Variants in SMPD2 observed in about 807,000 individuals in gnomAD.
The protein encoded by SMPD2 is sphingomyelin phosphodiesterase 2.
Under a neutral mutation model 41.7 loss-of-function variants are expected in SMPD2, and 35 were observed. That is an observed-to-expected ratio of 0.84 (90% confidence interval 0.64 to 1.11). The LOEUF (loss-of-function observed/expected upper bound fraction) is 1.11, where lower values mean the gene tolerates loss of function less well. Ranked by LOEUF, SMPD2 falls within the 50% of genes most tolerant of loss-of-function variation. The probability of loss-of-function intolerance (pLI) is 0.00; values close to 1 mark genes in which losing one functional copy is unlikely to be tolerated. For synonymous variants in SMPD2, 201 were observed against 208.2 expected (o/e 0.97, Z 0.30); for missense variants, 520 against 524.8 (o/e 0.99, Z 0.09).
rs1775034719 is a variant in SMPD2 at position 109,443,315 on chromosome 6, G to T, written c.778G>T (p.Gly260Cys). The T allele has an allele frequency of 1.2e-6, 2 of 1,614,132 alleles. No homozygotes were observed. The highest frequency in any genetic ancestry group is 4.5e-5 in the East Asian group (2 of 44,884). The part of the protein sequence containing the change: ...ISCKSFETTT[G>C]FDPHRGTPLS... ...CTGTAAGAGTTTTGAAACCACTACA[G>T]GCTTTGACCCTCACAGGGGCACCCC... The change falls in exon 9 of 10, where the codon GGC becomes TGC. Residue 260 changes from glycine to cysteine, a missense_variant. Physicochemically the swap from Gly to Cys is radical, Grantham distance 159 (BLOSUM62 -3). Transcript: ENST00000258052.
At chr6:109,441,946 T>C (rs1276692513) in intron 3 of SMPD2, 28 bp from the exon 4 acceptor site, 6 of 1,600,684 alleles carry the variant, frequency 3.7e-6, no homozygotes, top group Non-Finnish European at 5.1e-6. Flanking sequence ...CCTGTTTTTC[T>C]GGTTATTAAG....
At chr6:109,441,222 A>T in intron 1 of SMPD2, 51 bp downstream of exon 1, 1 of 1,608,612 alleles carries the variant, frequency 6.2e-7, no homozygotes, top group South Asian at 1.1e-5. Flanking sequence ...GTTCGCACCC[A>T]TGCAGCCTTC....
intron 1 of SMPD2, 90 bp downstream of exon 1, chr6:109,441,261 G>A (rs1333857615): frequency 1.3e-6 from 2 of 1,593,892 alleles, no homozygotes; most frequent in Non-Finnish European, 8.6e-7. Context: ...ACGATCTCAG[G>A]GTGTAGGGAA....
chr6:109,442,958 G>A lies in SMPD2; in HGVS notation c.625-19G>A. ...CTCCTTCTCCCCCACATCCTAGCAT[G>A]AGCCAATGATTCCCTTAGGGCTCTG... On this transcript the variant is annotated intron_variant, in intron 7 of 9. Coordinates refer to ENST00000258052, the MANE Select transcript of SMPD2 (RefSeq NM_003080.3). 1.9e-6 allele frequency: 3 copies of A among 1,612,914 alleles called. No individual in the cohort carries two copies. The highest frequency in any genetic ancestry group is 2.5e-6 in the Non-Finnish European group (3 of 1,178,936).
rs774967187 is a variant in SMPD2, at chr6:109,442,983, G to A, written c.631G>A (p.Glu211Lys). The change falls in exon 8 of 10, where the codon GAG becomes AAG. Residue 211 changes from glutamate (E) to lysine (K), a missense_variant. By Grantham distance (56) the Glu-to-Lys change is moderately conservative. Transcript: ENST00000258052. ...GAGCCAATGATTCCCTTAGGGCTCT[G>A]AGGAAGGCAACACAATGGTACCCAA... ...YLETRDFKGS[E>K]EGNTMVPKNC... 1.2e-6 allele frequency: 2 copies of A among 1,614,114 alleles called. No individual in the cohort carries two copies. Among genetic ancestry groups the A allele is most frequent in the South Asian group, 1.1e-5 (1 of 91,082 alleles).
Position 109,442,792 on chromosome 6 carries a change from G to T in SMPD2, c.532G>T (p.Asp178Tyr). ...GGCAGACGTGGTTCTGTTGTGTGGA[G>T]ACCTCAACATGCACCCAGAAGACCT... ...KKADVVLLCGDLNMHPEDLGC... is the reference protein window; with the variant it reads ...KKADVVLLCGYLNMHPEDLGC... Residue 178 changes from aspartate (D) to tyrosine (Y), a missense_variant, in exon 7 of 10, where the codon GAC (aspartate) becomes TAC (tyrosine). Physicochemically the swap from Asp to Tyr is radical, Grantham distance 160. Transcript: ENST00000258052. The T allele has an allele frequency of 6.2e-7, 1 of 1,614,156 alleles. No homozygotes were observed. The highest frequency in any genetic ancestry group is 8.5e-7 in the Non-Finnish European group (1 of 1,180,034).
At chr6:109,442,366 T>TC in intron 5 of SMPD2, 67 bp downstream of exon 5, 2 of 1,466,042 alleles carry the variant, frequency 1.4e-6, no homozygotes, top group Non-Finnish European at 1.9e-6. Flanking sequence ...GAGATGGTAC[T>TC]TCTCTAGCTC....
rs755236939 is a variant in SMPD2, at chr6:109,442,842, G to A, written c.582G>A (p.Trp194Ter). The A allele has an allele frequency of 9.3e-6, 15 of 1,614,038 alleles. No individual in the cohort carries two copies. The highest frequency in any genetic ancestry group is 1.6e-4 in the Middle Eastern group (1 of 6,062). Residue 194 changes from tryptophan (W) to a stop codon, truncating the protein, a stop_gained, in exon 7 of 10, where the codon TGG becomes TGA. Coordinates refer to ENST00000258052, the MANE Select transcript of SMPD2 (RefSeq NM_003080.3). LOFTEE classifies it high-confidence loss of function. ...EDLGCCLLKE[W>*]TGLHDAYLET... ...TGGGCTGCTGCCTGCTGAAGGAGTGGACAGGGCTTCATGATGCCTATCTTG... is the reference window on the plus strand; with the variant it reads ...TGGGCTGCTGCCTGCTGAAGGAGTGAACAGGGCTTCATGATGCCTATCTTG...
chr6:109,441,505 G>A, intron 2 of SMPD2, 47 bp from the exon 3 acceptor site: 2 of 1,611,948 alleles, frequency 1.2e-6, no homozygotes, highest in Non-Finnish European at 1.7e-6. Flanking sequence ...GGGACAGACC[G>A]TCCCACTGGG....
Position 109,440,794 on chromosome 6 carries a change from GA to G in SMPD2, c.-324del. ...GCGACCGCCGGGGACGAGCTTGGAG[GA>G]AAAGGAACCGGGAGCCGCCCACCCG... On this transcript the variant is annotated 5_prime_UTR_variant, in exon 1 of 10. Transcript: ENST00000258052. The G allele has an allele frequency of 5.5e-6, 2 of 363,664 alleles. No individual in the cohort carries two copies. The highest frequency in any genetic ancestry group is 9.4e-6 in the Non-Finnish European group (2 of 213,840). The allele number at this position is 363,664 out of a possible 1,614,324, so 22.5% of individuals were successfully genotyped here. A position where few individuals can be genotyped will look rare whatever the true frequency, so the allele number is the denominator to read the frequency against.
Position 109,441,439 on chromosome 6 carries a change from G to A in SMPD2, c.133G>A (p.Ala45Thr). Reference sequence around the variant, plus strand: ...TCTGAACCAGGAGAGCTTCGACCTGGCTTTGCTGGAGGAGGTGAGATTGTG... The same window carrying A: ...TCTGAACCAGGAGAGCTTCGACCTGACTTTGCTGGAGGAGGTGAGATTGTG... The part of the protein sequence containing the change: ...DFLNQESFDL[A>T]LLEEVWSEQD... Residue 45 changes from alanine to threonine, a missense_variant, in exon 2 of 10, where the codon GCT becomes ACT. Ala to Thr is a moderately conservative substitution (Grantham distance 58, BLOSUM62 0). Coordinates refer to ENST00000258052, the MANE Select transcript of SMPD2 (RefSeq NM_003080.3). 6.2e-7 allele frequency: 1 copy of A among 1,614,146 alleles called. No individual in the cohort carries two copies. The highest frequency in any genetic ancestry group is 8.5e-7 in the Non-Finnish European group (1 of 1,180,000).
At chr6:109,442,397 T>TG (rs1774955744) in intron 5 of SMPD2, 98 bp downstream of exon 5, 1 of 1,389,222 alleles carries the variant, frequency 7.2e-7, no homozygotes, top group South Asian at 1.2e-5. Flanking sequence ...GGATGAGGTG[T>TG]GGGGGCAAGA....
Position 109,443,383 on chromosome 6 carries a change from G to A in SMPD2, c.846G>A (p.Arg282=). ...CCCTGATGGCTACTCTGTTTGTGAG[G>A]CACAGCCCCCCACAGCAGAACCCCA... ...HEALMATLFV[R]HSPPQQNPSS... Residue 282 remains arginine (R), a synonymous_variant, in exon 9 of 10, where the codon AGG becomes AGA. Transcript: ENST00000258052. The A allele has an allele frequency of 6.2e-7, 1 of 1,614,076 alleles. No homozygotes were observed.
At chr6:109,442,368 C>T (rs1367609999) in intron 5 of SMPD2, 69 bp downstream of exon 5, 1 of 1,480,100 alleles carries the variant, frequency 6.8e-7, no homozygotes, top group Non-Finnish European at 9.4e-7. Context: ...GATGGTACTT[C>T]TCTAGCTCTC....
chr6:109,441,276 C>T (rs989288848), intron 1 of SMPD2, 81 bp from the exon 2 acceptor site: 47 of 1,587,068 alleles, frequency 3.0e-5, no homozygotes, highest in Non-Finnish European at 3.8e-5. Context: ...AGGGAAAACC[C>T]GAACCTCCAA....
intron 3 of SMPD2, 82 bp from the exon 4 acceptor site, chr6:109,441,892 C>A: frequency 7.8e-7 from 1 of 1,284,958 alleles, no homozygotes; most frequent in Non-Finnish European, 1.1e-6. Context: ...AATAGCTGAT[C>A]AGAGCTGGAA....
intron 6 of SMPD2, 42 bp downstream of exon 6, chr6:109,442,667 CA>C (rs1330997154): frequency 6.2e-7 from 1 of 1,614,176 alleles, no homozygotes; most frequent in Admixed American, 1.7e-5. Context: ...GGATGGGACC[CA>C]GGGGCTGAGG....
intron 1 of SMPD2, 68 bp downstream of exon 1, chr6:109,441,239 C>G (rs1316607348): frequency 6.3e-6 from 10 of 1,598,082 alleles, no homozygotes; most frequent in Non-Finnish European, 7.7e-6. Context: ...CTTCCTCCCC[C>G]TATCCCGCCC....
rs1239678240 is a variant in SMPD2, at chr6:109,441,159, A to G, written c.38A>G (p.Asn13Ser). The change falls in exon 1 of 10, where the codon AAC (asparagine) becomes AGC (serine). Residue 13 changes from asparagine (N) to serine (S), a missense_variant. Transcript: ENST00000258052. ...TTCTCCCTGCGACTGCGGATCTTCA[A>G]CCTCAACTGCTGGTGAGTGCGTCTG... ...PNFSLRLRIFNLNCWGIPYLS... is the reference protein window; with the variant it reads ...PNFSLRLRIFSLNCWGIPYLS... 6 of 1,613,954 alleles carry G rather than the reference A, an allele frequency of 3.7e-6. No homozygotes were observed. In the African/African-American group the frequency reaches 4.0e-5, roughly 11 times the overall value.
Sources: gnomAD v4.1 joint callset for allele counts on GRCh38, gnomAD v4.1.1 for gene constraint, MANE v1.5 for transcripts, NCBI Gene and HGNC (gene_info 2026-07-23, HGNC 2026-07-21) for gene names.